EDIL3: variants seen among roughly 807,000 people sequenced by gnomAD.
The protein encoded by EDIL3 is EGF-like repeat and discoidin I-like domain-containing protein 3.
A neutral mutation model predicts 67.4 loss-of-function variants in EDIL3; 37 were observed. The observed-to-expected ratio is 0.55, with a 90% confidence interval of 0.42 to 0.72. EDIL3 has a LOEUF of 0.72. Among genes scored for constraint, EDIL3 ranks in the 30% least tolerant of loss-of-function variants. The pLI is 0.00. For missense variants in EDIL3, 527 were observed against 586.3 expected (o/e 0.90, Z 1.04); for synonymous variants, 195 against 196.3 (o/e 0.99, Z 0.05).
At position 84,245,622 on chromosome 5, in the gene EDIL3, T is replaced by C. The variant is rs1331237656; in HGVS notation, c.196+8462A>G. ...TGAAATCAAGTAACAGAATGAAAGATTGTAAAGATTTTTGGCATGTTTTAC... is the reference window on the plus strand; with the variant it reads ...TGAAATCAAGTAACAGAATGAAAGACTGTAAAGATTTTTGGCATGTTTTAC... On this transcript the variant is annotated intron_variant, in intron 2 of 10. Coordinates refer to ENST00000296591, the MANE Select transcript of EDIL3 (RefSeq NM_005711.5). 4.6e-5 allele frequency among the ~76,000 whole-genome samples: 7 copies of C among 152,252 alleles called. No individual in the cohort carries two copies. In the South Asian group the frequency reaches 6.2e-4, roughly 14 times the overall value.
At chr5:84,108,279 T>A (rs907745200) in intron 5 of EDIL3, among the ~76,000 whole-genome samples, 1 of 152,020 alleles carries the variant, frequency 6.6e-6, no homozygotes, top group Non-Finnish European at 1.5e-5. Flanking sequence ...ATTTTTAAAT[T>A]TTTTTATAAA....
intron 9 of EDIL3, among the ~76,000 whole-genome samples, chr5:84,035,796 T>C: frequency 6.6e-6 from 1 of 152,240 alleles, no homozygotes; most frequent in Non-Finnish European, 1.5e-5. Context: ...CAAATATCCT[T>C]TCTCAGTATA....
intron 9 of EDIL3, among the ~76,000 whole-genome samples, chr5:84,031,467 C>G (rs914279686): frequency 3.9e-5 from 6 of 152,042 alleles, no homozygotes; most frequent in Non-Finnish European, 7.4e-5. Flanking sequence ...GTAAATCTAC[C>G]CATGCAACAC....
At chr5:84,244,414 G>A (rs182132128) in intron 2 of EDIL3, among the ~76,000 whole-genome samples, 1 of 151,404 alleles carries the variant, frequency 6.6e-6, no homozygotes, top group South Asian at 2.1e-4. Flanking sequence ...GAGTAGCGGG[G>A]ATTACAGGTG....
At chr5:84,191,826 G>A (rs1743592050) in intron 3 of EDIL3, among the ~76,000 whole-genome samples, 1 of 151,944 alleles carries the variant, frequency 6.6e-6, no homozygotes, top group South Asian at 2.1e-4. Flanking sequence ...ATCACAGAGG[G>A]TGAATATGGT....
chr5:84,357,853 A>C (rs1209654972), intron 1 of EDIL3, among the ~76,000 whole-genome samples: 4 of 141,916 alleles, frequency 2.8e-5, no homozygotes, highest in Non-Finnish European at 6.0e-5. Flanking sequence ...GTGCCACTGC[A>C]CTCCAGCCTG....
chr5:84,060,021 C>G (rs1236939107), intron 9 of EDIL3, among the ~76,000 whole-genome samples: 1 of 152,096 alleles, frequency 6.6e-6, no homozygotes, highest in East Asian at 1.9e-4. Flanking sequence ...AGTTAAGATG[C>G]AAATGCTCTC....
intron 1 of EDIL3, among the ~76,000 whole-genome samples, chr5:84,373,765 G>A (rs1386804902): frequency 6.6e-6 from 1 of 152,012 alleles, no homozygotes; most frequent in African/African-American, 2.4e-5. Context: ...AGGGTCAGTA[G>A]GAATGAAGGG....
Position 84,037,581 on chromosome 5 carries a change from T to A in EDIL3, c.1137+22719A>T, listed in dbSNP as rs534235504. ...TATAAACAGATTTCAGTATATTTTT[T>A]AAAAAAACAAAGAATAAAACTTCCT... is the stretch of plus-strand genomic sequence containing the variant. On this transcript the variant is annotated intron_variant, in intron 9 of 10. Transcript: ENST00000296591. Among the ~76,000 whole-genome samples the A allele has an allele frequency of 1.2e-4, 18 of 152,304 alleles. No individual in the cohort carries two copies. In the South Asian group the frequency reaches 2.7e-3, roughly 23 times the overall value.
At chr5:84,063,841 C>G (rs1458778021) in intron 8 of EDIL3, among the ~76,000 whole-genome samples, 1 of 152,110 alleles carries the variant, frequency 6.6e-6, no homozygotes, top group Non-Finnish European at 1.5e-5. Context: ...GTTTTCTTCA[C>G]AGTTATTTGA....
intron 1 of EDIL3, among the ~76,000 whole-genome samples, chr5:84,284,665 T>C (rs1745775362): frequency 6.6e-6 from 1 of 152,162 alleles, no homozygotes; most frequent in Admixed American, 6.6e-5. Context: ...GAAATAATGA[T>C]AATGTTAATT....
chr5:84,363,563 T>C (rs1747659360), intron 1 of EDIL3, among the ~76,000 whole-genome samples: 1 of 152,138 alleles, frequency 6.6e-6, no homozygotes, highest in African/African-American at 2.4e-5. Flanking sequence ...TTCCATAATA[T>C]TGGCTAAAAT....
At chr5:84,332,242 C>A (rs937034753) in intron 1 of EDIL3, among the ~76,000 whole-genome samples, 9 of 152,066 alleles carry the variant, frequency 5.9e-5, no homozygotes, top group African/African-American at 2.2e-4. Context: ...CATGGTGGCA[C>A]ATGCTTGTAG....
chr5:84,059,250 A>G (rs1746500489), intron 9 of EDIL3, among the ~76,000 whole-genome samples: 2 of 152,054 alleles, frequency 1.3e-5, no homozygotes, highest in African/African-American at 4.8e-5. Context: ...AAAGAAAAAA[A>G]AAATTAGCGG....
At chr5:84,062,933 A>G (rs1294191423) in intron 8 of EDIL3, among the ~76,000 whole-genome samples, 1 of 152,124 alleles carries the variant, frequency 6.6e-6, no homozygotes, top group Non-Finnish European at 1.5e-5. Flanking sequence ...AAGTATTAAC[A>G]ATGAAATGGG....
rs375350879 is a variant in EDIL3, at chr5:84,052,853, A to C, written c.1137+7447T>G. Among the ~76,000 whole-genome samples, 24 of 152,320 alleles carry C rather than the reference A, an allele frequency of 1.6e-4. No homozygotes were observed. In the East Asian group the frequency reaches 3.3e-3, roughly 21 times the overall value. ...AAGAGACTTAGACTCCCACACAATAATAATGGGAGACTTTAATACCCCACT... is the reference window on the plus strand; with the variant it reads ...AAGAGACTTAGACTCCCACACAATACTAATGGGAGACTTTAATACCCCACT... On this transcript the variant is annotated intron_variant, in intron 9 of 10. Transcript: ENST00000296591.
intron 2 of EDIL3, among the ~76,000 whole-genome samples, chr5:84,252,626 C>A (rs1406305092): frequency 6.6e-6 from 1 of 151,452 alleles, no homozygotes; most frequent in African/African-American, 2.4e-5. Context: ...TTATACAACT[C>A]GAAGGCACTG....
chr5:84,103,825 TA>T (rs1747411425), intron 6 of EDIL3, among the ~76,000 whole-genome samples: 1 of 152,028 alleles, frequency 6.6e-6, no homozygotes, highest in Non-Finnish European at 1.5e-5. Flanking sequence ...CGCAAAGAAC[TA>T]AAAACAGAAC....
At chr5:84,271,141 T>C (rs958229248) in intron 1 of EDIL3, among the ~76,000 whole-genome samples, 1 of 152,180 alleles carries the variant, frequency 6.6e-6, no homozygotes, top group Non-Finnish European at 1.5e-5. Context: ...AATACCACAT[T>C]ATTAATAAGT....
Sources: gnomAD v4.1 joint callset for allele counts (sites outside exome capture counted in the v4.1 genomes callset) on GRCh38, gnomAD v4.1.1 for gene constraint, MANE v1.5 for transcripts, NCBI Gene and HGNC (gene_info 2026-07-23, HGNC 2026-07-21) for gene names.